The following TEX9 variants were observed in gnomAD, a reference collection of about 807,000 sequenced individuals.
TEX9 encodes testis-expressed protein 9.
Under a neutral mutation model 59.6 loss-of-function variants are expected in TEX9, and 74 were observed. The observed-to-expected ratio is 1.24, with a 90% CI of 1.03 to 1.51. TEX9 has a LOEUF of 1.51. Among genes scored for constraint, TEX9 ranks in the 40% most tolerant of loss-of-function variants. The pLI is 0.00. For synonymous variants in TEX9, 186 were observed against 152.2 expected, an observed-to-expected ratio of 1.22 and a Z score of -1.64; for missense variants, 522 against 447.8, an observed-to-expected ratio of 1.17 and a Z score of -1.49.
chr15:56,348,365 C>T (rs2046512797), intron 1 of TEX9, among the ~76,000 whole-genome samples: 1 of 151,902 alleles, frequency 6.6e-6, no homozygotes. Flanking sequence ...TCCTGGACAC[C>T]CAGAGAGAAA....
intron 1 of TEX9, among the ~76,000 whole-genome samples, chr15:56,306,892 A>C (rs1372412226): frequency 6.6e-6 from 1 of 152,214 alleles, no homozygotes; most frequent in African/African-American, 2.4e-5. Context: ...TACCCATGAA[A>C]CATTGAAAAT....
At chr15:56,408,026 A>T (rs1163013912) in intron 9 of TEX9, among the ~76,000 whole-genome samples, 1 of 152,196 alleles carries the variant, frequency 6.6e-6, no homozygotes, top group African/African-American at 2.4e-5. Context: ...GATTATACTC[A>T]TTAGTGTACA....
chr15:56,295,510 T>G (rs971856894), intron 1 of TEX9, among the ~76,000 whole-genome samples: 1 of 152,182 alleles, frequency 6.6e-6, no homozygotes, highest in African/African-American at 2.4e-5. Context: ...ACCAGGCTGC[T>G]TACTAGTTTC....
intron 1 of TEX9, among the ~76,000 whole-genome samples, chr15:56,315,602 C>A (rs1255241158): frequency 6.7e-6 from 1 of 149,114 alleles, no homozygotes; most frequent in Non-Finnish European, 1.5e-5. Context: ...TTCATTTCAA[C>A]TTTGGTGAAT....
chr15:56,424,502 G>A (rs187542855), intron 10 of TEX9, among the ~76,000 whole-genome samples: 13 of 152,132 alleles, frequency 8.5e-5, no homozygotes, highest in Admixed American at 8.5e-4. Context: ...GTTTTTGGGA[G>A]GTCTGTTGCT....
chr15:56,369,522 A>G (rs1269488286), intron 2 of TEX9, among the ~76,000 whole-genome samples: 3 of 151,918 alleles, frequency 2.0e-5, no homozygotes, highest in Non-Finnish European at 4.4e-5. Context: ...TTTTGTAGTG[A>G]TGGGGTTTCG....
chr15:56,300,120 T>C (rs1370716799), intron 1 of TEX9, among the ~76,000 whole-genome samples: 2 of 152,134 alleles, frequency 1.3e-5, no homozygotes, highest in African/African-American at 4.8e-5. Context: ...TGAACCGCCC[T>C]GGACCAGAAG....
chr15:56,253,763 A>G (rs1386335918), intron 1 of TEX9, among the ~76,000 whole-genome samples: 1 of 152,090 alleles, frequency 6.6e-6, no homozygotes, highest in African/African-American at 2.4e-5. Flanking sequence ...TGCCCAATGT[A>G]TAAGGTGGAA....
At chr15:56,453,459 C>T in the TEX9 span, among the ~76,000 whole-genome samples, 11 of 151,970 alleles carry the variant, frequency 7.2e-5, no homozygotes, top group African/African-American at 2.2e-4. Flanking sequence ...GATTATCAGT[C>T]CAGAACATAA....
At chr15:56,389,087 T>C (rs552312258) in intron 5 of TEX9, among the ~76,000 whole-genome samples, 8 of 152,186 alleles carry the variant, frequency 5.3e-5, no homozygotes, top group Non-Finnish European at 1.2e-4. Flanking sequence ...CTGAATACCA[T>C]TGAATCTTTA....
At chr15:56,412,528 T>A (rs1362172778) in intron 10 of TEX9, 92 bp downstream of exon 10, 1 of 1,320,242 alleles carries the variant, frequency 7.6e-7, no homozygotes, top group East Asian at 2.4e-5. Context: ...ATTATAATTC[T>A]TGATGTCATG....
chr15:56,429,767 A>G (rs1285640781), intron 12 of TEX9: 4 of 152,226 alleles, frequency 2.6e-5, no homozygotes. Flanking sequence ...ATTGCAATCT[A>G]AAGAATAAAG....
intron 1 of TEX9, among the ~76,000 whole-genome samples, chr15:56,249,371 A>G (rs575885628): frequency 6.7e-6 from 1 of 149,510 alleles, no homozygotes; most frequent in East Asian, 2.0e-4. Flanking sequence ...GGACCCAGCA[A>G]TCTGTCTTTC....
chr15:56,270,864 TA>T (rs2044512122), intron 1 of TEX9, among the ~76,000 whole-genome samples: 1 of 152,240 alleles, frequency 6.6e-6, no homozygotes, highest in Non-Finnish European at 1.5e-5. Flanking sequence ...TGCTTGTCTG[TA>T]AAGGATTTTA....
At chr15:56,368,412 G>T (rs2047041495) in intron 2 of TEX9, among the ~76,000 whole-genome samples, 1 of 151,964 alleles carries the variant, frequency 6.6e-6, no homozygotes, top group South Asian at 2.1e-4. Flanking sequence ...TTCTGTTTTT[G>T]ATATCAGTAT....
chr15:56,446,839 A>T, downstream of TEX9: 1 of 1,591,130 alleles, frequency 6.3e-7, no homozygotes, highest in Non-Finnish European at 8.6e-7. Context: ...AAACATGATT[A>T]CCATTTGTTC....
At chr15:56,261,609 CGGGAAGCTGAGGCATGGGAATCACT>C (rs2044269137) in intron 1 of TEX9, among the ~76,000 whole-genome samples, 1 of 151,786 alleles carries the variant, frequency 6.6e-6, no homozygotes, top group Admixed American at 6.6e-5. Context: ...TCCCGCTATT[CGGGAAGCTGAGGCATGGGAATCACT>C]TGAACCTGGG....
chr15:56,418,140 C>T (rs1476540643), intron 10 of TEX9, among the ~76,000 whole-genome samples: 1 of 151,828 alleles, frequency 6.6e-6, no homozygotes, highest in Non-Finnish European at 1.5e-5. Flanking sequence ...CAGCTTGTCA[C>T]TCCATGCCTT....
At chr15:56,287,354 C>T (rs542449679) in intron 1 of TEX9, among the ~76,000 whole-genome samples, 1 of 152,068 alleles carries the variant, frequency 6.6e-6, no homozygotes, top group Admixed American at 6.5e-5. Flanking sequence ...CACAAGACTC[C>T]TGGGTGAAAA....
Sources: allele counts gnomAD v4.1 joint callset (sites outside exome capture counted in the v4.1 genomes callset), GRCh38; gene constraint gnomAD v4.1.1; transcripts MANE v1.5; gene names NCBI Gene and HGNC (gene_info 2026-07-23, HGNC 2026-07-21).